RIMS1: variants seen among roughly 807,000 people sequenced by gnomAD.
RIMS1 encodes the protein regulating synaptic membrane exocytosis protein 1.
Under a neutral mutation model 214.1 loss-of-function variants are expected in RIMS1, and 83 were observed. The ratio of observed to expected loss-of-function variants is 0.39; its 90% CI spans 0.32 to 0.47. RIMS1 has a LOEUF of 0.47. RIMS1 is among the 20% of genes least tolerant of loss of function. The pLI is 0.99. For missense variants in RIMS1, 2,050 were observed against 2,161.8 expected (o/e 0.95, Z 1.03); for synonymous variants, 793 against 786.8 (o/e 1.01, Z -0.13).
chr6:72,215,638 T>C (rs1285754165), intron 6 of RIMS1, among the ~76,000 whole-genome samples: 2 of 152,228 alleles, frequency 1.3e-5, no homozygotes, highest in South Asian at 4.1e-4. Flanking sequence ...TTAATAAGCA[T>C]TCAATTGATG....
At chr6:72,142,179 T>C (rs148904316) in intron 4 of RIMS1, among the ~76,000 whole-genome samples, 43 of 151,964 alleles carry the variant, frequency 2.8e-4, no homozygotes, top group African/African-American at 1.0e-3. Context: ...TTTTATCTCT[T>C]CTGGCAGAAA....
intron 2 of RIMS1, among the ~76,000 whole-genome samples, chr6:72,071,888 G>C (rs886875598): frequency 6.6e-6 from 1 of 152,192 alleles, no homozygotes; most frequent in African/African-American, 2.4e-5. Flanking sequence ...AAGACTCAGG[G>C]AAGGACATAA....
intron 2 of RIMS1, among the ~76,000 whole-genome samples, chr6:72,091,778 C>A (rs1236880884): frequency 1.3e-5 from 2 of 152,086 alleles, no homozygotes; most frequent in Non-Finnish European, 1.5e-5. Flanking sequence ...GTGTATTTTA[C>A]AATACTCTCC....
chr6:72,171,585 T>C (rs948734794), intron 4 of RIMS1, among the ~76,000 whole-genome samples: 2 of 152,116 alleles, frequency 1.3e-5, no homozygotes, highest in African/African-American at 4.8e-5. Flanking sequence ...AACAACTCAG[T>C]GAGATAGGAA....
At chr6:72,359,516 T>C (rs1312785192) in intron 29 of RIMS1, among the ~76,000 whole-genome samples, 2 of 151,930 alleles carry the variant, frequency 1.3e-5, no homozygotes, top group Admixed American at 6.6e-5. Context: ...CCTTTCCAAA[T>C]ATCACAAAGC....
intron 6 of RIMS1, among the ~76,000 whole-genome samples, chr6:72,213,416 G>C (rs115260837): frequency 1.0e-3 from 153 of 152,248 alleles, no homozygotes; most frequent in African/African-American, 3.6e-3. Flanking sequence ...AAATGAGATT[G>C]TAGGGTTTAT....
intron 1 of RIMS1, among the ~76,000 whole-genome samples, chr6:71,935,482 C>A (rs934812077): frequency 6.6e-6 from 1 of 152,158 alleles, no homozygotes; most frequent in South Asian, 2.1e-4. Flanking sequence ...TAATTAAAAT[C>A]TGTTAAAAAT....
At chr6:71,992,427 T>TTTCTTTCC (rs1801967182) in intron 2 of RIMS1, among the ~76,000 whole-genome samples, 1 of 141,902 alleles carries the variant, frequency 7.0e-6, no homozygotes, top group African/African-American at 2.7e-5. Flanking sequence ...TCTTTCTTTC[T>TTTCTTTCC]TTCTTTCTTT....
intron 29 of RIMS1, among the ~76,000 whole-genome samples, chr6:72,337,565 A>T (rs967838920): frequency 3.6e-4 from 54 of 151,092 alleles, no homozygotes; most frequent in African/African-American, 1.2e-3. Flanking sequence ...TATTATTCCC[A>T]TTTTTTTCTT....
At chr6:72,036,550 C>T (rs1819671587) in intron 2 of RIMS1, among the ~76,000 whole-genome samples, 3 of 152,146 alleles carry the variant, frequency 2.0e-5, no homozygotes, top group Admixed American at 2.0e-4. Context: ...TACTTCCATC[C>T]TCAGCTCTGT....
intron 2 of RIMS1, among the ~76,000 whole-genome samples, chr6:72,066,050 G>A (rs1287125579): frequency 6.6e-6 from 1 of 152,058 alleles, no homozygotes; most frequent in Admixed American, 6.5e-5. Context: ...TTTCTCAGGG[G>A]TAGTTGTATA....
chr6:72,333,027 A>G (rs995471308), intron 28 of RIMS1, among the ~76,000 whole-genome samples: 23 of 151,854 alleles, frequency 1.5e-4, no homozygotes, highest in Non-Finnish European at 2.7e-4. Flanking sequence ...GGAGGAGGGA[A>G]AACTTAATCC....
chr6:72,336,164 A>C (rs2154346240), intron 29 of RIMS1, among the ~76,000 whole-genome samples: 1 of 151,910 alleles, frequency 6.6e-6, no homozygotes, highest in East Asian at 1.9e-4. Context: ...TTCTTCCCTC[A>C]ACTTTCCAGT....
chr6:72,118,815 T>C (rs1409488024), intron 4 of RIMS1, among the ~76,000 whole-genome samples: 1 of 151,280 alleles, frequency 6.6e-6, no homozygotes, highest in Non-Finnish European at 1.5e-5. Flanking sequence ...TCATAAAAGG[T>C]ACCTACTTCA....
At chr6:72,077,804 C>G (rs796754621) in intron 2 of RIMS1, among the ~76,000 whole-genome samples, 5 of 152,316 alleles carry the variant, frequency 3.3e-5, no homozygotes, top group African/African-American at 1.2e-4. Context: ...GATCACTCAG[C>G]AAATCACTGG....
intron 4 of RIMS1, among the ~76,000 whole-genome samples, chr6:72,175,071 G>A (rs1029345918): frequency 1.3e-5 from 2 of 151,986 alleles, no homozygotes; most frequent in East Asian, 1.9e-4. Context: ...TGTCAACAAA[G>A]TTGAAATATT....
intron 4 of RIMS1, among the ~76,000 whole-genome samples, chr6:72,109,626 G>C (rs1356603394): frequency 6.6e-6 from 1 of 152,072 alleles, no homozygotes; most frequent in East Asian, 1.9e-4. Flanking sequence ...AGTAGGTTGA[G>C]AAAATTTTCT....
At chr6:72,395,448 CT>C (rs2098762641) in intron 31 of RIMS1, among the ~76,000 whole-genome samples, 1 of 151,928 alleles carries the variant, frequency 6.6e-6, no homozygotes, top group Admixed American at 6.5e-5. Context: ...AAACTCAAAT[CT>C]TTAAGAGCCC....
At chr6:72,294,648 T>C (rs2093858535) in intron 26 of RIMS1, among the ~76,000 whole-genome samples, 1 of 151,616 alleles carries the variant, frequency 6.6e-6, no homozygotes, top group Admixed American at 6.6e-5. Context: ...ACTGGAAGTA[T>C]TTTTTTTCTT....
Sources: allele counts gnomAD v4.1 joint callset (sites outside exome capture counted in the v4.1 genomes callset), GRCh38; gene constraint gnomAD v4.1.1; transcripts MANE v1.5; gene names NCBI Gene and HGNC (gene_info 2026-07-23, HGNC 2026-07-21).